Variants in PIAS1 observed in about 807,000 individuals in gnomAD.
The protein encoded by PIAS1 is protein inhibitor of activated STAT 1.
A neutral mutation model predicts 71.3 loss-of-function variants in PIAS1; 6 were observed. That is an observed-to-expected ratio of 0.08 (90% confidence interval 0.05 to 0.17). PIAS1 has a LOEUF of 0.17. PIAS1 is among the 10% of genes least tolerant of loss of function. The pLI, the probability that PIAS1 is intolerant of heterozygous loss-of-function variation, is 1.00. For synonymous variants in PIAS1, 303 were observed against 292.9 expected (o/e 1.03, Z -0.35); for missense variants, 555 against 793.6 (o/e 0.70, Z 3.61).
intron 2 of PIAS1, among the ~76,000 whole-genome samples, chr15:68,094,224 C>G (rs765187151): frequency 6.6e-6 from 1 of 150,762 alleles, no homozygotes; most frequent in Non-Finnish European, 1.5e-5. Flanking sequence ...TGGAGAAGAC[C>G]GGCAACCTAG....
At chr15:68,099,072 G>A (rs766411865) in intron 2 of PIAS1, among the ~76,000 whole-genome samples, 4 of 151,956 alleles carry the variant, frequency 2.6e-5, no homozygotes, top group South Asian at 2.1e-4. Flanking sequence ...AATTAACAGC[G>A]AAAATTTATA....
chr15:68,176,641 C>A lies in PIAS1; in HGVS notation c.1468C>A (p.Leu490Ile). The A allele has an allele frequency of 6.3e-7, 1 of 1,585,612 alleles. No homozygotes were observed. The highest frequency in any genetic ancestry group is 8.6e-7 in the Non-Finnish European group (1 of 1,168,950). Residue 490 changes from leucine to isoleucine, a missense_variant, in exon 11 of 14, where the codon CTA becomes ATA. Coordinates refer to ENST00000249636, the MANE Select transcript of PIAS1 (RefSeq NM_016166.3). ...TCCTTCCCTATCTCCCACATCACCA[C>A]TAAATAATAAAGGGTAAGTGCTGAG... is the stretch of plus-strand genomic sequence containing the variant. ...TCPSLSPTSPLNNKGILSLPH... is the reference protein window; with the variant it reads ...TCPSLSPTSPINNKGILSLPH...
intron 2 of PIAS1, among the ~76,000 whole-genome samples, chr15:68,116,881 T>C (rs2092569466): frequency 6.6e-6 from 1 of 152,182 alleles, no homozygotes; most frequent in South Asian, 2.1e-4. Flanking sequence ...GGCATTTTCC[T>C]GATATAGTTC....
intron 8 of PIAS1, among the ~76,000 whole-genome samples, chr15:68,170,248 T>C (rs1024385762): frequency 2.6e-5 from 4 of 152,168 alleles, no homozygotes; most frequent in African/African-American, 7.2e-5. Context: ...TTTGTTGTTA[T>C]TCAACAAAAG....
Position 68,093,656 on chromosome 15 carries a change from AGCTCCCTT to A in PIAS1, c.469+6907_469+6914del, listed in dbSNP as rs1316533911. 2.6e-5 allele frequency among the ~76,000 whole-genome samples: 4 copies of A among 152,242 alleles called. No homozygotes were observed. The East Asian group carries it at 7.7e-4, about 29-fold the overall frequency. On this transcript the variant is annotated intron_variant, in intron 2 of 13. Coordinates refer to ENST00000249636, the MANE Select transcript of PIAS1 (RefSeq NM_016166.3). ...GGTTGAGTTTTAAAAGAAATCATTT[AGCTCCCTT>A]TACCCCTTTGAGAGGGTTATAATGG... is the stretch of plus-strand genomic sequence containing the variant.
intron 2 of PIAS1, among the ~76,000 whole-genome samples, chr15:68,097,147 C>T (rs1231509610): frequency 6.6e-6 from 1 of 152,136 alleles, no homozygotes; most frequent in Non-Finnish European, 1.5e-5. Context: ...TTTTCTACAT[C>T]CATTCAGATG....
chr15:68,105,735 G>A (rs182097374), intron 2 of PIAS1, among the ~76,000 whole-genome samples: 2 of 152,108 alleles, frequency 1.3e-5, no homozygotes, highest in Non-Finnish European at 2.9e-5. Context: ...TACTTGGGAG[G>A]CTGAGCATGA....
At chr15:68,169,021 CTTTA>C (rs1433332748) in intron 8 of PIAS1, among the ~76,000 whole-genome samples, 1 of 152,144 alleles carries the variant, frequency 6.6e-6, no homozygotes, top group African/African-American at 2.4e-5. Flanking sequence ...CTGAAACAAT[CTTTA>C]TTTCTTATCA....
At chr15:68,154,337 G>A (rs900075207) in intron 7 of PIAS1, among the ~76,000 whole-genome samples, 1 of 152,176 alleles carries the variant, frequency 6.6e-6, no homozygotes, top group East Asian at 1.9e-4. Flanking sequence ...CAGAGGGTTT[G>A]GCCTTTCCAA....
intron 2 of PIAS1, among the ~76,000 whole-genome samples, chr15:68,137,546 A>T (rs1595757528): frequency 6.6e-6 from 1 of 152,138 alleles, no homozygotes; most frequent in East Asian, 1.9e-4. Context: ...GTAGGAGTAC[A>T]GCACCGAGAT....
At position 68,186,738 on chromosome 15, in the gene PIAS1, C is replaced by T. The variant is rs1315070482; in HGVS notation, c.1663-804C>T. Among the ~76,000 whole-genome samples the T allele has an allele frequency of 1.3e-5, 2 of 152,186 alleles. No individual in the cohort carries two copies. Among genetic ancestry groups the T allele is most frequent in the Non-Finnish European group, 2.9e-5 (2 of 68,034 alleles). ...ATACCATATTTTTACTGTACCTTTT[C>T]TATGTTGAGATATACACATACTTAG... On this transcript the variant is annotated intron_variant, in intron 13 of 13. Transcript: ENST00000249636. This position sits in a 1 kb window ranked among gnomAD's most constrained non-coding sequence, Gnocchi z 4.4.
At chr15:68,131,849 C>A (rs536749772) in intron 2 of PIAS1, among the ~76,000 whole-genome samples, 4 of 151,880 alleles carry the variant, frequency 2.6e-5, no homozygotes, top group Admixed American at 2.0e-4. Context: ...ATACTGTTTT[C>A]GAATCTTTTG....
rs115451760 is a variant in PIAS1, at chr15:68,093,429, G to A, written c.469+6679G>A. 3.7e-3 allele frequency among the ~76,000 whole-genome samples: 571 copies of A among 152,364 alleles called. 3 individuals carry two copies. The highest frequency in any genetic ancestry group is 0.013 in the African/African-American group (554 of 41,594). The stretch of plus-strand genomic sequence containing the variant: ...CTACTGGCCACAGGCAGTTAGCTTG[G>A]TAGGGCATTGGTCTGGATGTTCTAT... On this transcript the variant is annotated intron_variant, in intron 2 of 13. Coordinates refer to ENST00000249636, the MANE Select transcript of PIAS1 (RefSeq NM_016166.3).
In PIAS1 at chr15:68,101,536, A is replaced by T. The variant is rs147328475; in HGVS notation, c.469+14786A>T. ...GCAGTGGCTGTTCACAAGAGTGATT[A>T]TAGTTTACCTTAATCTCAAATTCCT... On this transcript the variant is annotated intron_variant, in intron 2 of 13. Coordinates refer to ENST00000249636, the MANE Select transcript of PIAS1 (RefSeq NM_016166.3). Among the ~76,000 whole-genome samples, 148 of 152,116 alleles carry T rather than the reference A, an allele frequency of 9.7e-4. 2 individuals carry two copies. The South Asian group carries it at 0.011, about 12-fold the overall frequency.
chr15:68,146,867 G>T (rs556830129), intron 6 of PIAS1, among the ~76,000 whole-genome samples, 167 bp downstream of exon 6: 2 of 152,144 alleles, frequency 1.3e-5, no homozygotes, highest in Non-Finnish European at 2.9e-5. Flanking sequence ...GGATTATGAA[G>T]TATCCAGTGT....
chr15:68,071,643 T>C (rs1248531716), intron 1 of PIAS1, among the ~76,000 whole-genome samples: 1 of 152,090 alleles, frequency 6.6e-6, no homozygotes, highest in Non-Finnish European at 1.5e-5. Flanking sequence ...CTGGCTAAGC[T>C]TATTTCAGAC....
Position 68,171,732 on chromosome 15 carries a change from T to TA in PIAS1, c.1009-1999dup, listed in dbSNP as rs2092992716. On this transcript the variant is annotated intron_variant, in intron 8 of 13. Transcript: ENST00000249636. This position sits in a 1 kb window ranked among gnomAD's most constrained non-coding sequence, Gnocchi z 4.4. The stretch of plus-strand genomic sequence containing the variant: ...GCCCAGAAAGGCTAAATGCCTTTCT[T>TA]AGAGACACAGTAAATCATCGGTATC... Among the ~76,000 whole-genome samples, 1 of 152,120 alleles carries TA rather than the reference T, an allele frequency of 6.6e-6. No individual in the cohort carries two copies. The highest frequency in any genetic ancestry group is 1.5e-5 in the Non-Finnish European group (1 of 68,018).
In PIAS1 at chr15:68,187,340, T is replaced by G. The variant is rs986391335; in HGVS notation, c.1663-202T>G. On this transcript the variant is annotated intron_variant, in intron 13 of 13. Coordinates refer to ENST00000249636, the MANE Select transcript of PIAS1 (RefSeq NM_016166.3). This position sits in a 1 kb window ranked among gnomAD's most constrained non-coding sequence, Gnocchi z 5.3. ...TTTATATTTTGTTTTTCCTCCAGTT[T>G]CAGATACAAAAATGTCTTCTCAAGA... Among the ~76,000 whole-genome samples, 8 of 152,182 alleles carry G rather than the reference T, an allele frequency of 5.3e-5. No individual in the cohort carries two copies. The highest frequency in any genetic ancestry group is 1.2e-4 in the Non-Finnish European group (8 of 68,032).
At chr15:68,158,964 T>C (rs1759854512) in intron 7 of PIAS1, among the ~76,000 whole-genome samples, 3 of 152,186 alleles carry the variant, frequency 2.0e-5, no homozygotes, top group Admixed American at 1.3e-4. Context: ...TATTTAAATT[T>C]AAATACAGCG....
Sources: gnomAD v4.1 joint callset for allele counts (sites outside exome capture counted in the v4.1 genomes callset) on GRCh38, gnomAD v4.1.1 for gene constraint, Gnocchi (gnomAD v3.1) non-coding constraint, MANE v1.5 for transcripts, NCBI Gene and HGNC (gene_info 2026-07-23, HGNC 2026-07-21) for gene names.